Variants in RABGAP1 observed in about 807,000 individuals in gnomAD.
RABGAP1 encodes rab GTPase-activating protein 1.
RABGAP1 carries 23 observed loss-of-function variants against 137.6 expected under a neutral mutation model. The observed-to-expected ratio is 0.17, with a 90% CI of 0.12 to 0.24. The LOEUF is 0.24. Ranked by LOEUF, RABGAP1 falls within the 10% of genes least tolerant of loss-of-function variation. RABGAP1 has a pLI of 1.00. For missense variants in RABGAP1, 906 were observed against 1,275.8 expected (o/e 0.71, Z 4.42); for synonymous variants, 451 against 450.7 (o/e 1.00, Z -0.01).
chr9:123,092,578 A>C (rs972377447), intron 21 of RABGAP1, among the ~76,000 whole-genome samples: 7 of 152,044 alleles, frequency 4.6e-5, no homozygotes, highest in African/African-American at 9.7e-5. Flanking sequence ...TTACAGTGCC[A>C]GCCTGTTTCC....
chr9:123,033,413 G>A (rs1184267777), intron 13 of RABGAP1: 2 of 152,076 alleles, frequency 1.3e-5, no homozygotes, highest in Non-Finnish European at 2.9e-5. Flanking sequence ...CCAGACAGAC[G>A]AGGAAACAGC....
chr9:123,052,037 C>T (rs1288366763), intron 13 of RABGAP1, among the ~76,000 whole-genome samples: 1 of 150,728 alleles, frequency 6.6e-6, no homozygotes, highest in Admixed American at 6.6e-5. Context: ...GATCTCCTCA[C>T]CTTGTGATCT....
At chr9:123,099,678 G>T in intron 24 of RABGAP1, 129 bp downstream of exon 24, 2 of 729,516 alleles carry the variant, frequency 2.7e-6, no homozygotes, top group Non-Finnish European at 4.6e-6. Flanking sequence ...CCTGTCACAG[G>T]TCCTGGCTCA....
chr9:122,981,094 G>A (rs1197140191), intron 2 of RABGAP1, among the ~76,000 whole-genome samples: 3 of 152,108 alleles, frequency 2.0e-5, no homozygotes, highest in African/African-American at 7.2e-5. Flanking sequence ...CTGGAGTGCA[G>A]TGGCGCGATC....
chr9:122,986,979 A>G (rs1836403564), intron 4 of RABGAP1, among the ~76,000 whole-genome samples: 1 of 152,062 alleles, frequency 6.6e-6, no homozygotes, highest in Non-Finnish European at 1.5e-5. Flanking sequence ...TGTACAAAAC[A>G]TACAAAAATT....
intron 10 of RABGAP1, among the ~76,000 whole-genome samples, chr9:123,010,077 A>C (rs921116222): frequency 5.3e-5 from 8 of 152,196 alleles, no homozygotes; most frequent in African/African-American, 1.9e-4. Context: ...TGGTTTGAAG[A>C]CAAACCAATA....
chr9:123,049,943 T>G (rs2033383742), intron 13 of RABGAP1, among the ~76,000 whole-genome samples: 1 of 152,234 alleles, frequency 6.6e-6, no homozygotes, highest in Non-Finnish European at 1.5e-5. Context: ...TCAGATTAGT[T>G]AAATGACTTG....
chr9:122,974,971 G>A (rs537779971), intron 2 of RABGAP1, among the ~76,000 whole-genome samples: 1 of 152,260 alleles, frequency 6.6e-6, no homozygotes, highest in African/African-American at 2.4e-5. Flanking sequence ...ATCCAAATTG[G>A]ACTTTTGGTT....
intron 10 of RABGAP1, among the ~76,000 whole-genome samples, chr9:123,002,299 C>CAA (rs200227677): frequency 8.0e-6 from 1 of 124,792 alleles, no homozygotes; most frequent in Non-Finnish European, 1.7e-5. Context: ...AAAACTCCGT[C>CAA]AAAAAAAAAA....
intron 13 of RABGAP1, among the ~76,000 whole-genome samples, chr9:123,052,685 T>G (rs2033536023): frequency 6.6e-6 from 1 of 152,168 alleles, no homozygotes; most frequent in Non-Finnish European, 1.5e-5. Context: ...ATCCCAGCAC[T>G]TTGGGAGGCT....
intron 2 of RABGAP1, among the ~76,000 whole-genome samples, chr9:122,972,382 G>C (rs993739399): frequency 6.6e-6 from 1 of 152,128 alleles, no homozygotes; most frequent in Non-Finnish European, 1.5e-5. Context: ...CCAATCTTGC[G>C]CTCATACAGC....
At chr9:123,035,315 A>T in intron 13 of RABGAP1, 1 of 1,614,196 alleles carries the variant, frequency 6.2e-7, no homozygotes, top group Non-Finnish European at 8.5e-7. Context: ...GATAAGCGCT[A>T]TGCCATGGTC....
intron 13 of RABGAP1, among the ~76,000 whole-genome samples, chr9:123,053,420 C>A (rs1486296839): frequency 6.6e-6 from 1 of 152,088 alleles, no homozygotes; most frequent in Non-Finnish European, 1.5e-5. Flanking sequence ...GATTTTTCAT[C>A]CTCATTTATT....
At chr9:123,066,893 T>A (rs1416943692) in intron 14 of RABGAP1, among the ~76,000 whole-genome samples, 2 of 152,238 alleles carry the variant, frequency 1.3e-5, no homozygotes, top group African/African-American at 4.8e-5. Context: ...GTCTAACTGA[T>A]AAGTATAGTT....
intron 13 of RABGAP1, among the ~76,000 whole-genome samples, chr9:123,058,746 C>T (rs1357412237): frequency 1.3e-5 from 2 of 152,236 alleles, no homozygotes; most frequent in Non-Finnish European, 2.9e-5. Context: ...TGCCAGTCAC[C>T]CCTTTTTCTC....
intron 22 of RABGAP1, among the ~76,000 whole-genome samples, chr9:123,098,122 G>A (rs1044053919): frequency 2.6e-5 from 4 of 152,238 alleles, no homozygotes; most frequent in African/African-American, 9.6e-5. Context: ...TCCTGCAGAA[G>A]GAAAGCACAC....
chr9:123,038,146 C>G (rs1280911901), intron 13 of RABGAP1, among the ~76,000 whole-genome samples: 2 of 152,080 alleles, frequency 1.3e-5, no homozygotes, highest in African/African-American at 2.4e-5. Flanking sequence ...AAAGCAATTA[C>G]AAATGGACTA....
At chr9:122,950,093 T>G (rs929028975) in intron 1 of RABGAP1, among the ~76,000 whole-genome samples, 7 of 152,106 alleles carry the variant, frequency 4.6e-5, no homozygotes, top group Non-Finnish European at 1.0e-4. Context: ...CAATAAATAG[T>G]TTTGAGGAAA....
intron 22 of RABGAP1, 89 bp downstream of exon 22, chr9:123,097,934 T>C: frequency 9.4e-7 from 1 of 1,061,154 alleles, no homozygotes; most frequent in South Asian, 1.6e-5. Context: ...CTAGAAAACC[T>C]AGAGACATCT....
Sources: gnomAD v4.1 joint callset for allele counts (sites outside exome capture counted in the v4.1 genomes callset) on GRCh38, gnomAD v4.1.1 for gene constraint, MANE v1.5 for transcripts, NCBI Gene and HGNC (gene_info 2026-07-23, HGNC 2026-07-21) for gene names.